The following LAMA2 variants were observed in gnomAD, a reference collection of about 807,000 sequenced individuals.
The protein encoded by LAMA2 is laminin subunit alpha-2.
In LAMA2, 269 loss-of-function variants were observed where a neutral mutation model predicts 364.8. The ratio of observed to expected loss-of-function variants is 0.74; its 90% confidence interval spans 0.67 to 0.82. LAMA2 has a LOEUF of 0.82. Ranked by LOEUF, LAMA2 falls within the 40% of genes least tolerant of loss-of-function variation. LAMA2 has a pLI of 0.00. For missense variants in LAMA2, 3,807 were observed against 3,873.2 expected, an observed-to-expected ratio of 0.98 and a Z score of 0.45; for synonymous variants, 1,379 against 1,370.6, an observed-to-expected ratio of 1.01 and a Z score of -0.14.
At chr6:129,278,116 C>T (rs943729429) in intron 17 of LAMA2, among the ~76,000 whole-genome samples, 5 of 152,264 alleles carry the variant, frequency 3.3e-5, no homozygotes, top group East Asian at 1.9e-4. Flanking sequence ...ACACTAGAAT[C>T]GCTTGAACCC....
intron 3 of LAMA2, among the ~76,000 whole-genome samples, chr6:129,078,319 G>T (rs1023762331): frequency 2.0e-5 from 3 of 151,892 alleles, no homozygotes; most frequent in African/African-American, 7.3e-5. Context: ...GTTTTTAGTA[G>T]AGACAAGGTT....
At chr6:129,121,382 C>CA in intron 4 of LAMA2, among the ~76,000 whole-genome samples, 1 of 152,266 alleles carries the variant, frequency 6.6e-6, no homozygotes, top group African/African-American at 2.4e-5. Flanking sequence ...TCTCTTGATG[C>CA]TGTTGTTTAC....
chr6:128,924,070 T>A (rs1355498070), intron 1 of LAMA2, among the ~76,000 whole-genome samples: 1 of 151,988 alleles, frequency 6.6e-6, no homozygotes, highest in Non-Finnish European at 1.5e-5. Context: ...AGAGCTACTA[T>A]CTCTGCTTAC....
At chr6:128,900,569 G>A (rs983700788) in intron 1 of LAMA2, among the ~76,000 whole-genome samples, 2 of 152,122 alleles carry the variant, frequency 1.3e-5, no homozygotes, top group Admixed American at 6.5e-5. Flanking sequence ...TCTACTCAAC[G>A]ATAGAAAAAA....
At chr6:129,373,070 C>T (rs979810083) in intron 34 of LAMA2, among the ~76,000 whole-genome samples, 1 of 152,126 alleles carries the variant, frequency 6.6e-6, no homozygotes, top group Non-Finnish European at 1.5e-5. Flanking sequence ...CCATTATTTG[C>T]TTCCCCTCTG....
At chr6:129,205,493 T>TATATATATATACACAC (rs1343472728) in intron 12 of LAMA2, among the ~76,000 whole-genome samples, 1 of 104,274 alleles carries the variant, frequency 9.6e-6, no homozygotes, top group African/African-American at 5.5e-5. Context: ...TATATATATA[T>TATATATATATACACAC]ACACACACAC....
chr6:129,103,598 G>A (rs1434960968), intron 4 of LAMA2, among the ~76,000 whole-genome samples: 1 of 152,102 alleles, frequency 6.6e-6, no homozygotes, highest in Non-Finnish European at 1.5e-5. Context: ...GAGATATTTA[G>A]AGATATTTTA....
At chr6:129,226,662 C>CA (rs1784304708) in intron 12 of LAMA2, among the ~76,000 whole-genome samples, 1 of 151,914 alleles carries the variant, frequency 6.6e-6, no homozygotes, top group Non-Finnish European at 1.5e-5. Flanking sequence ...TATTGGCCCC[C>CA]ACTCTCTTCC....
chr6:128,981,289 A>G (rs1562891195), intron 1 of LAMA2, among the ~76,000 whole-genome samples: 1 of 152,126 alleles, frequency 6.6e-6, no homozygotes, highest in Non-Finnish European at 1.5e-5. Flanking sequence ...TAGTAATATC[A>G]AGCCCTAATG....
chr6:129,246,649 CA>C (rs1311498936), intron 12 of LAMA2, among the ~76,000 whole-genome samples: 1 of 151,992 alleles, frequency 6.6e-6, no homozygotes, highest in African/African-American at 2.4e-5. Flanking sequence ...CTTTCCCTAT[CA>C]AAAAAACTGA....
intron 4 of LAMA2, among the ~76,000 whole-genome samples, chr6:129,124,226 G>T (rs1205657111): frequency 6.6e-6 from 1 of 152,198 alleles, no homozygotes; most frequent in Non-Finnish European, 1.5e-5. Flanking sequence ...CACATCTGTT[G>T]TAAGTTTTGA....
chr6:129,258,005 T>A (rs539757200), intron 14 of LAMA2, among the ~76,000 whole-genome samples: 1 of 151,186 alleles, frequency 6.6e-6, no homozygotes, highest in East Asian at 1.9e-4. Context: ...TATACATTTA[T>A]CTGTCTATCT....
At chr6:129,119,128 T>G (rs1562254078) in intron 4 of LAMA2, among the ~76,000 whole-genome samples, 1 of 152,236 alleles carries the variant, frequency 6.6e-6, no homozygotes, top group Non-Finnish European at 1.5e-5. Context: ...TTTCATTTTT[T>G]ATGCATAAGT....
At chr6:129,012,595 A>G (rs1459537822) in intron 1 of LAMA2, among the ~76,000 whole-genome samples, 2 of 152,230 alleles carry the variant, frequency 1.3e-5, no homozygotes, top group Admixed American at 6.5e-5. Context: ...GTCTCATTCA[A>G]GCTAATGGAT....
chr6:129,333,122 C>A (rs1228405603), intron 29 of LAMA2, among the ~76,000 whole-genome samples: 2 of 151,986 alleles, frequency 1.3e-5, no homozygotes, highest in Non-Finnish European at 2.9e-5. Context: ...AAACTCCTGA[C>A]CTCAAGTGAT....
intron 9 of LAMA2, among the ~76,000 whole-genome samples, chr6:129,173,308 A>T (rs1356481553): frequency 6.6e-6 from 1 of 152,206 alleles, no homozygotes; most frequent in Non-Finnish European, 1.5e-5. Flanking sequence ...AGGTGAAGAA[A>T]TGTATCATTC....
At chr6:129,018,005 T>C (rs943371769) in intron 1 of LAMA2, among the ~76,000 whole-genome samples, 1 of 151,926 alleles carries the variant, frequency 6.6e-6, no homozygotes, top group African/African-American at 2.4e-5. Context: ...CTTTCCATTA[T>C]GTGATTTGAA....
intron 41 of LAMA2, among the ~76,000 whole-genome samples, chr6:129,432,651 C>T (rs769156105): frequency 2.0e-5 from 3 of 152,144 alleles, no homozygotes; most frequent in African/African-American, 4.8e-5. Flanking sequence ...CTGTGTTAAA[C>T]CAAAGACTAT....
At chr6:129,162,354 G>A (rs1478507466) in intron 8 of LAMA2, among the ~76,000 whole-genome samples, 1 of 151,938 alleles carries the variant, frequency 6.6e-6, no homozygotes, top group Non-Finnish European at 1.5e-5. Context: ...TTAAAGAAAT[G>A]AAAAGAAGGA....
Sources: gnomAD v4.1 joint callset for allele counts (sites outside exome capture counted in the v4.1 genomes callset) on GRCh38, gnomAD v4.1.1 for gene constraint, MANE v1.5 for transcripts, NCBI Gene and HGNC (gene_info 2026-07-23, HGNC 2026-07-21) for gene names.